The following HAO1 variants were observed in gnomAD, a reference collection of about 807,000 sequenced individuals.
HAO1 encodes the protein 2-Hydroxyacid oxidase 1.
HAO1 carries 34 observed loss-of-function variants against 39.7 expected under a neutral mutation model. That is an observed-to-expected ratio of 0.86 (90% CI 0.65 to 1.14). The LOEUF (loss-of-function observed/expected upper bound fraction) is 1.14. HAO1 is among the 50% of genes most tolerant of loss of function. The pLI, the probability that HAO1 is intolerant of heterozygous loss-of-function variation, is 0.00. For synonymous variants in HAO1, 172 were observed against 173.2 expected, an observed-to-expected ratio of 0.99 and a Z score of 0.05; for missense variants, 479 against 464.5, an observed-to-expected ratio of 1.03 and a Z score of -0.29.
chr20:7,896,524 A>AT (rs200487344), intron 4 of HAO1, among the ~76,000 whole-genome samples: 1 of 152,034 alleles, frequency 6.6e-6, no homozygotes, highest in Admixed American at 6.6e-5. Flanking sequence ...AACTATTCTT[A>AT]TTTTTTTCAA....
At chr20:7,936,550 G>GTGTGTGTGTGTGTGTGTGTGT (rs1292549632) in intron 1 of HAO1, among the ~76,000 whole-genome samples, 4 of 141,068 alleles carry the variant, frequency 2.8e-5, no homozygotes, top group African/African-American at 1.1e-4. Flanking sequence ...GTGTGTGTTC[G>GTGTGTGTGTGTGTGTGTGTGT]CGCGCGCGCG....
chr20:7,885,893 C>G (rs746366789), intron 5 of HAO1, 29 bp from the exon 6 acceptor site: 2 of 1,587,930 alleles, frequency 1.3e-6, no homozygotes, highest in Admixed American at 3.3e-5. Flanking sequence ...AATAATGTGA[C>G]TCTATTAACA....
chr20:7,908,262 G>A (rs1365250982), intron 3 of HAO1, among the ~76,000 whole-genome samples: 1 of 151,870 alleles, frequency 6.6e-6, no homozygotes, highest in Non-Finnish European at 1.5e-5. Context: ...CATAGTGGTG[G>A]GCACGTGTAA....
Position 7,906,182 on chromosome 20 carries a change from C to G in HAO1, c.693G>C (p.Leu231Phe), listed in dbSNP as rs1447899145. The G allele has an allele frequency of 6.2e-7, 1 of 1,613,204 alleles. No homozygotes were observed. Among genetic ancestry groups the G allele is most frequent in the Admixed American group, 1.7e-5 (1 of 60,006 alleles). The change falls in exon 4 of 8, where the codon TTG becomes TTC. Residue 231 changes from leucine to phenylalanine, a missense_variant. Physicochemically the swap from Leu to Phe is conservative, Grantham distance 22. Transcript: ENST00000378789. The stretch of plus-strand genomic sequence containing the variant: ...TCAAAATGCCCTTTGCAACAATTGG[C>G]AATGATGTCAGTCTTCTCAGCCATT... ...DIKWLRRLTS[L>F]PIVAKGILRG...
intron 5 of HAO1, among the ~76,000 whole-genome samples, chr20:7,894,653 C>A (rs2050188800): frequency 6.6e-6 from 1 of 152,146 alleles, no homozygotes; most frequent in African/African-American, 2.4e-5. Context: ...TCCACCATTT[C>A]TCTGCAGCTT....
intron 2 of HAO1, among the ~76,000 whole-genome samples, chr20:7,931,583 C>T (rs1037370989): frequency 1.3e-5 from 2 of 151,768 alleles, no homozygotes; most frequent in Non-Finnish European, 2.9e-5. Context: ...TGCTATAATA[C>T]TCGTAATATA....
chr20:7,883,593 T>A lies in HAO1; in HGVS notation c.1113A>T (p.Ter371CysextTer18). The A allele has an allele frequency of 6.2e-7, 1 of 1,608,344 alleles. No homozygotes were observed. Among genetic ancestry groups the A allele is most frequent in the Non-Finnish European group, 8.5e-7 (1 of 1,174,774 alleles). ...ACAGATGGGAAAATATTGTGCACTG[T>A]CAGATCTTGGAAACGGCCAAAGGAT... ...RKNPLAVSKI[*>C] Residue 371 changes from the stop codon to cysteine, a stop_lost, in exon 8 of 8, where the codon TGA (stop) becomes TGT (cysteine). Coordinates refer to ENST00000378789, the MANE Select transcript of HAO1 (RefSeq NM_017545.3).
chr20:7,929,095 G>C (rs941724027), intron 2 of HAO1, among the ~76,000 whole-genome samples: 1 of 136,772 alleles, frequency 7.3e-6, no homozygotes, highest in Admixed American at 7.4e-5. Flanking sequence ...TTGTTTGTTT[G>C]TTTCAATTTC....
chr20:7,937,504 T>A (rs1187708847), intron 1 of HAO1, among the ~76,000 whole-genome samples: 1 of 152,146 alleles, frequency 6.6e-6, no homozygotes, highest in East Asian at 1.9e-4. Flanking sequence ...AGTGAAAGAA[T>A]GACATCACTT....
At chr20:7,923,313 C>T (rs1293358390) in intron 2 of HAO1, among the ~76,000 whole-genome samples, 1 of 152,168 alleles carries the variant, frequency 6.6e-6, no homozygotes, top group Non-Finnish European at 1.5e-5. Context: ...TCTTCTAGAG[C>T]TTGGCAGAGT....
chr20:7,940,266 T>A lies in HAO1; in HGVS notation c.137+20A>T, dbSNP rs777296444. 6 of 1,581,916 alleles carry A rather than the reference T, an allele frequency of 3.8e-6. No individual in the cohort carries two copies. The African/African-American group carries it at 4.1e-5, about 11-fold the overall frequency. ...TTTGTGTAATTTTAAAACATGATTT[T>A]AAAAAATAAATTTTCTTACCTGGAA... On this transcript the variant is annotated intron_variant, in intron 1 of 7. Transcript: ENST00000378789.
At chr20:7,902,878 T>A (rs2050227071) in intron 4 of HAO1, among the ~76,000 whole-genome samples, 1 of 152,220 alleles carries the variant, frequency 6.6e-6, no homozygotes, top group African/African-American at 2.4e-5. Context: ...AGAGATTACA[T>A]CTTCCATTCT....
chr20:7,919,666 A>T (rs1419998934), intron 2 of HAO1, among the ~76,000 whole-genome samples: 1 of 152,174 alleles, frequency 6.6e-6, no homozygotes, highest in African/African-American at 2.4e-5. Flanking sequence ...TAGCATTGCA[A>T]GATCATCTAC....
intron 5 of HAO1, among the ~76,000 whole-genome samples, chr20:7,887,808 C>T (rs6055365): frequency 6.6e-6 from 1 of 152,080 alleles, no homozygotes; most frequent in Non-Finnish European, 1.5e-5. Context: ...AATGTGAATC[C>T]TGAGTTAAAA....
intron 4 of HAO1, among the ~76,000 whole-genome samples, chr20:7,903,284 C>T (rs1033386368): frequency 6.1e-5 from 7 of 114,600 alleles, no homozygotes; most frequent in South Asian, 2.7e-4. Context: ...TCCCATCTCT[C>T]CTTATCTTTT....
chr20:7,934,748 C>T (rs2050402399), intron 1 of HAO1, 113 bp from the exon 2 acceptor site: 1 of 642,418 alleles, frequency 1.6e-6, no homozygotes, highest in African/African-American at 1.9e-5. Flanking sequence ...TTTTTCCAAA[C>T]AAGCAAATGA....
chr20:7,900,969 T>A (rs2050218852), intron 4 of HAO1, among the ~76,000 whole-genome samples: 1 of 152,192 alleles, frequency 6.6e-6, no homozygotes, highest in African/African-American at 2.4e-5. Context: ...TTATTGCTGA[T>A]AGGGAGAAAG....
At chr20:7,923,103 G>T (rs2050342412) in intron 2 of HAO1, among the ~76,000 whole-genome samples, 1 of 152,018 alleles carries the variant, frequency 6.6e-6, no homozygotes. Context: ...ATAGAGGGTT[G>T]GCTAAATTTC....
At chr20:7,883,732 C>G in intron 7 of HAO1, 69 bp from the exon 8 acceptor site, 1 of 1,235,462 alleles carries the variant, frequency 8.1e-7, no homozygotes, top group Non-Finnish European at 1.2e-6. Flanking sequence ...ATCGTTTTCC[C>G]AAGGAATGTA....
Sources: allele counts gnomAD v4.1 joint callset (sites outside exome capture counted in the v4.1 genomes callset), GRCh38; gene constraint gnomAD v4.1.1; transcripts MANE v1.5; gene names NCBI Gene and HGNC (gene_info 2026-07-23, HGNC 2026-07-21).